GPD2: variants seen among roughly 807,000 people sequenced by gnomAD.
The protein encoded by GPD2 is glycerol-3-phosphate dehydrogenase, mitochondrial.
In GPD2, 54 loss-of-function variants were observed where a neutral mutation model predicts 82.4. The observed-to-expected ratio is 0.66, with a 90% CI of 0.53 to 0.82. The LOEUF is 0.82. Among genes scored for constraint, GPD2 ranks in the 40% least tolerant of loss-of-function variants. The pLI is 0.00. For missense variants in GPD2, 748 were observed against 896.2 expected (o/e 0.83, Z 2.11); for synonymous variants, 288 against 306.1 (o/e 0.94, Z 0.62).
At chr2:156,478,418 C>T (rs2105206331) in intron 2 of GPD2, among the ~76,000 whole-genome samples, 1 of 152,210 alleles carries the variant, frequency 6.6e-6, no homozygotes, top group Admixed American at 6.5e-5. Flanking sequence ...CATTTCTTTT[C>T]TGGTGATTCC....
chr2:156,439,796 A>C (rs1682099721), intron 1 of GPD2, among the ~76,000 whole-genome samples: 1 of 151,796 alleles, frequency 6.6e-6, no homozygotes. Context: ...GCAGTGAGTC[A>C]AGATTGTGCC....
intron 1 of GPD2, among the ~76,000 whole-genome samples, chr2:156,455,725 C>T (rs1464153577): frequency 2.8e-5 from 4 of 142,946 alleles, no homozygotes; most frequent in Non-Finnish European, 4.6e-5. Flanking sequence ...GGTAAGTAAT[C>T]CCTTAGCGCC....
At chr2:156,520,713 C>G in intron 6 of GPD2, among the ~76,000 whole-genome samples, 1 of 151,810 alleles carries the variant, frequency 6.6e-6, no homozygotes, top group East Asian at 1.9e-4. Context: ...GTCTCCTGAG[C>G]AGCTGGGATT....
chr2:156,434,898 A>C (rs1228380585), upstream of GPD2, among the ~76,000 whole-genome samples: 2 of 152,168 alleles, frequency 1.3e-5, no homozygotes, highest in Non-Finnish European at 2.9e-5. Flanking sequence ...TGCGGGCTCC[A>C]GTGACTACAC....
chr2:156,422,769 G>A, the GPD2 span, among the ~76,000 whole-genome samples: 14 of 151,600 alleles, frequency 9.2e-5, no homozygotes, highest in Non-Finnish European at 2.1e-4. Context: ...AAACTATGCA[G>A]GCAGTAAAAA....
chr2:156,480,670 C>A (rs1055655930), intron 2 of GPD2, among the ~76,000 whole-genome samples: 2 of 151,848 alleles, frequency 1.3e-5, no homozygotes, highest in African/African-American at 2.4e-5. Context: ...ACTTGAGAAC[C>A]ACTGAGAGCT....
At chr2:156,570,934 C>T (rs1319273947) in intron 12 of GPD2, among the ~76,000 whole-genome samples, 200 bp from the exon 13 acceptor site, 1 of 152,190 alleles carries the variant, frequency 6.6e-6, no homozygotes, top group African/African-American at 2.4e-5. Context: ...CAATTTTTGC[C>T]ATTTTCCAAA....
intron 8 of GPD2, among the ~76,000 whole-genome samples, chr2:156,551,100 A>G (rs932895416): frequency 7.9e-5 from 12 of 152,226 alleles, no homozygotes; most frequent in Admixed American, 1.3e-4. Flanking sequence ...TAGTTAAAAC[A>G]ATAAGACATG....
At chr2:156,546,649 C>T (rs1272000075) in intron 6 of GPD2, among the ~76,000 whole-genome samples, 1 of 152,100 alleles carries the variant, frequency 6.6e-6, no homozygotes, top group African/African-American at 2.4e-5. Flanking sequence ...ACTTGCTCCT[C>T]AAGTTTTGGG....
intron 13 of GPD2, among the ~76,000 whole-genome samples, chr2:156,572,883 A>T (rs1344650580): frequency 6.6e-6 from 1 of 152,144 alleles, no homozygotes; most frequent in Admixed American, 6.6e-5. Flanking sequence ...TTTATTTCTC[A>T]TGGTTCTGGA....
the GPD2 span, among the ~76,000 whole-genome samples, chr2:156,401,640 A>C: frequency 6.6e-6 from 1 of 152,214 alleles, no homozygotes; most frequent in South Asian, 2.1e-4. Flanking sequence ...AAATTTGAAC[A>C]CTGACCCAAA....
chr2:156,429,912 C>T, the GPD2 span, among the ~76,000 whole-genome samples: 1 of 152,158 alleles, frequency 6.6e-6, no homozygotes, highest in Non-Finnish European at 1.5e-5. Context: ...TTGGACAGCA[C>T]TGTTAATCTT....
intron 1 of GPD2, among the ~76,000 whole-genome samples, chr2:156,447,471 ACC>A (rs1682409186): frequency 6.6e-6 from 1 of 151,872 alleles, no homozygotes; most frequent in Admixed American, 6.6e-5. Context: ...AGTGGCTGGG[ACC>A]CCAGGTTCAG....
the GPD2 span, among the ~76,000 whole-genome samples, chr2:156,419,911 G>A: frequency 7.9e-5 from 12 of 152,132 alleles, no homozygotes; most frequent in African/African-American, 2.9e-4. Flanking sequence ...CATTTTTAAG[G>A]TCTAACAAAC....
chr2:156,566,580 G>A (rs567235250), intron 9 of GPD2, among the ~76,000 whole-genome samples: 5 of 152,146 alleles, frequency 3.3e-5, no homozygotes, highest in African/African-American at 9.6e-5. Context: ...ATAATAGTTC[G>A]TTGTAAGTGT....
upstream of GPD2, among the ~76,000 whole-genome samples, chr2:156,436,180 T>C (rs1688422184): frequency 6.6e-6 from 1 of 152,212 alleles, no homozygotes; most frequent in South Asian, 2.1e-4. Context: ...CGGCCCCGGT[T>C]CCCGCCCCCA....
chr2:156,496,979 G>T (rs1004002146), intron 3 of GPD2, among the ~76,000 whole-genome samples: 1 of 152,128 alleles, frequency 6.6e-6, no homozygotes, highest in African/African-American at 2.4e-5. Flanking sequence ...TAGTGGAAAG[G>T]CATGATGAAA....
chr2:156,562,365 G>A (rs1687206252), intron 9 of GPD2, among the ~76,000 whole-genome samples: 1 of 152,160 alleles, frequency 6.6e-6, no homozygotes, highest in South Asian at 2.1e-4. Flanking sequence ...ATGTCTTCCA[G>A]CTGTTTAATT....
chr2:156,443,933 G>A (rs1038645270), intron 1 of GPD2, among the ~76,000 whole-genome samples: 5 of 152,160 alleles, frequency 3.3e-5, no homozygotes, highest in African/African-American at 4.8e-5. Context: ...TGGGGACAGC[G>A]CATTGGGGAC....
Sources: allele counts gnomAD v4.1 joint callset (sites outside exome capture counted in the v4.1 genomes callset), GRCh38; gene constraint gnomAD v4.1.1; transcripts MANE v1.5; gene names NCBI Gene and HGNC (gene_info 2026-07-23, HGNC 2026-07-21).